Variants in GRID2 observed in about 807,000 individuals in gnomAD.
GRID2 encodes glutamate ionotropic receptor delta type subunit 2.
A neutral mutation model predicts 114.8 loss-of-function variants in GRID2; 33 were observed. That is an observed-to-expected ratio of 0.29 (90% CI 0.22 to 0.38). The LOEUF is 0.38. Among genes scored for constraint, GRID2 ranks in the 10% least tolerant of loss-of-function variants. The pLI is 1.00. For missense variants in GRID2, 1,184 were observed against 1,257.7 expected, an observed-to-expected ratio of 0.94 and a Z score of 0.89; for synonymous variants, 505 against 449.9, an observed-to-expected ratio of 1.12 and a Z score of -1.55.
intron 1 of GRID2, among the ~76,000 whole-genome samples, chr4:92,550,787 T>A (rs138683016): frequency 6.6e-4 from 100 of 152,224 alleles, no homozygotes; most frequent in African/African-American, 2.3e-3. Flanking sequence ...AAATCAAAAA[T>A]GTAATACTTG....
At chr4:93,051,909 T>C (rs1052573516) in intron 2 of GRID2, among the ~76,000 whole-genome samples, 1 of 151,808 alleles carries the variant, frequency 6.6e-6, no homozygotes, top group Admixed American at 6.6e-5. Flanking sequence ...ATTTTGTAGG[T>C]AGTGTTTTTG....
intron 2 of GRID2, among the ~76,000 whole-genome samples, chr4:92,769,806 A>T (rs1738451825): frequency 1.3e-5 from 2 of 152,010 alleles, no homozygotes; most frequent in Admixed American, 6.6e-5. Flanking sequence ...TAGCACAGGG[A>T]CCCAGGGCCC....
At chr4:92,864,374 A>G (rs1005351248) in intron 2 of GRID2, among the ~76,000 whole-genome samples, 1 of 152,202 alleles carries the variant, frequency 6.6e-6, no homozygotes, top group Non-Finnish European at 1.5e-5. Flanking sequence ...AGGCCACCAG[A>G]CACAGTGAAT....
intron 13 of GRID2, among the ~76,000 whole-genome samples, chr4:93,564,689 C>A (rs921099008): frequency 6.6e-6 from 1 of 151,982 alleles, no homozygotes; most frequent in African/African-American, 2.4e-5. Flanking sequence ...CCACAGTTGT[C>A]TGGTTTGAAA....
intron 3 of GRID2, among the ~76,000 whole-genome samples, chr4:93,098,988 C>CCT (rs1284258544): frequency 1.0e-4 from 8 of 76,332 alleles, no homozygotes; most frequent in African/African-American, 4.3e-4. Flanking sequence ...AAGATCATTT[C>CCT]CTGTGTGTGT....
chr4:93,772,438 A>G lies in GRID2; in HGVS notation c.2964A>G (p.Gln988=), dbSNP rs1353948647. The part of the protein sequence containing the change: ...PIKTMSSIPY[Q]PTPTLGLNLG... ...AAACAATGTCATCTATTCCTTATCA[A>G]CCAACTCCTACCCTGGGGCTCAATC... The change falls in exon 16 of 16, where the codon CAA becomes CAG. Residue 988 remains glutamine, a synonymous_variant. Transcript: ENST00000282020. The G allele has an allele frequency of 2.5e-6, 4 of 1,612,964 alleles. No homozygotes were observed. Among genetic ancestry groups the G allele is most frequent in the Non-Finnish European group, 3.4e-6 (4 of 1,179,440 alleles).
intron 3 of GRID2, among the ~76,000 whole-genome samples, chr4:93,097,757 C>T (rs924270467): frequency 1.2e-4 from 18 of 151,786 alleles, no homozygotes; most frequent in Non-Finnish European, 5.9e-5. Context: ...CTTTTTGATG[C>T]AGCTTTTTTC....
intron 2 of GRID2, among the ~76,000 whole-genome samples, chr4:92,780,034 A>G (rs111617591): frequency 2.6e-5 from 4 of 152,296 alleles, no homozygotes; most frequent in African/African-American, 7.2e-5. Flanking sequence ...TATCAACTTA[A>G]TTACTGAGAA....
chr4:92,489,543 TC>T lies in GRID2; in HGVS notation c.89-100587del, dbSNP rs1411929118. On this transcript the variant is annotated intron_variant, in intron 1 of 15. Transcript: ENST00000282020. Reference sequence around the variant, plus strand: ...TGATGAAATGATTCATCTAATTTGTTCATTATTGAAAGTAAATAAGGGCCGG... The same window carrying T: ...TGATGAAATGATTCATCTAATTTGTTATTATTGAAAGTAAATAAGGGCCGG... Among the ~76,000 whole-genome samples, 402 of 152,238 alleles carry T rather than the reference TC, an allele frequency of 2.6e-3. 1 individual carries two copies. Among genetic ancestry groups the T allele is most frequent in the African/African-American group, 9.3e-3 (385 of 41,550 alleles).
At chr4:92,925,308 A>C (rs547686043) in intron 2 of GRID2, among the ~76,000 whole-genome samples, 2 of 152,220 alleles carry the variant, frequency 1.3e-5, no homozygotes, top group African/African-American at 4.8e-5. Context: ...GAGTGAAGAG[A>C]ATCATTTCAG....
At chr4:93,339,528 G>A (rs1023940260) in intron 8 of GRID2, among the ~76,000 whole-genome samples, 1 of 152,128 alleles carries the variant, frequency 6.6e-6, no homozygotes, top group Non-Finnish European at 1.5e-5. Context: ...AGGGAATATG[G>A]CCCTGACCAT....
intron 13 of GRID2, among the ~76,000 whole-genome samples, chr4:93,531,539 G>T (rs1475942277): frequency 6.6e-6 from 1 of 151,670 alleles, no homozygotes; most frequent in African/African-American, 2.4e-5. Context: ...GAAGAAAAAA[G>T]GAAGGAAAAA....
At chr4:93,759,408 T>A (rs2110305678) in intron 14 of GRID2, among the ~76,000 whole-genome samples, 1 of 152,222 alleles carries the variant, frequency 6.6e-6, no homozygotes, top group South Asian at 2.1e-4. Context: ...CCAACAAAAA[T>A]TTCATCAAAA....
intron 2 of GRID2, among the ~76,000 whole-genome samples, chr4:92,945,046 C>G (rs1475674513): frequency 6.6e-6 from 1 of 152,120 alleles, no homozygotes. Context: ...GTGGTGGTAA[C>G]TACTTGAAAA....
At chr4:93,301,980 A>C (rs2149169164) in intron 8 of GRID2, among the ~76,000 whole-genome samples, 1 of 152,328 alleles carries the variant, frequency 6.6e-6, no homozygotes. Context: ...GATGTCGCTA[A>C]GTAACCTGTA....
At chr4:92,955,935 G>A (rs1169221332) in intron 2 of GRID2, among the ~76,000 whole-genome samples, 1 of 152,130 alleles carries the variant, frequency 6.6e-6, no homozygotes. Context: ...TAGCCAGGAT[G>A]TTCTCTATCT....
chr4:93,585,608 A>T (rs895984972), intron 13 of GRID2, among the ~76,000 whole-genome samples: 1 of 152,050 alleles, frequency 6.6e-6, no homozygotes, highest in African/African-American at 2.4e-5. Context: ...AGCATTAATC[A>T]TTTCATTATT....
chr4:93,429,463 A>T (rs1240910174), intron 10 of GRID2, among the ~76,000 whole-genome samples: 1 of 152,204 alleles, frequency 6.6e-6, no homozygotes, highest in Non-Finnish European at 1.5e-5. Context: ...CTTGATGGTT[A>T]TTACAATGGA....
chr4:92,742,474 G>C (rs1736941302), intron 2 of GRID2, among the ~76,000 whole-genome samples: 1 of 151,746 alleles, frequency 6.6e-6, no homozygotes, highest in Admixed American at 6.6e-5. Context: ...TTACCCCCTT[G>C]ACACATTCTC....
Sources: gnomAD v4.1 joint callset for allele counts (sites outside exome capture counted in the v4.1 genomes callset) on GRCh38, gnomAD v4.1.1 for gene constraint, MANE v1.5 for transcripts, NCBI Gene and HGNC (gene_info 2026-07-23, HGNC 2026-07-21) for gene names.